Variants in CSMD1 observed in about 807,000 individuals in gnomAD.
CSMD1 encodes CUB and sushi domain-containing protein 1.
In CSMD1, 213 loss-of-function variants were observed where a neutral mutation model predicts 417.5. That is an observed-to-expected ratio of 0.51 (90% CI 0.46 to 0.57). The LOEUF (loss-of-function observed/expected upper bound fraction) is 0.57. Ranked by LOEUF, CSMD1 falls within the 20% of genes least tolerant of loss-of-function variation. The pLI, the probability that CSMD1 is intolerant of heterozygous loss-of-function variation, is 0.00. For synonymous variants in CSMD1, 2,862 were observed against 1,736.8 expected, an observed-to-expected ratio of 1.65 and a Z score of -16.11; for missense variants, 6,923 against 4,529.7, an observed-to-expected ratio of 1.53 and a Z score of -15.17.
chr8:3,642,548 G>C (rs368597354), intron 7 of CSMD1, among the ~76,000 whole-genome samples: 3 of 152,146 alleles, frequency 2.0e-5, no homozygotes, highest in East Asian at 1.9e-4. Context: ...CAAAGATAAA[G>C]TTCCAAGGAA....
rs1038089305 is a variant in CSMD1 at position 4,509,437 on chromosome 8, G to T, written c.303-89372C>A. On this transcript the variant is annotated intron_variant, in intron 2 of 69. Transcript: ENST00000635120. The stretch of plus-strand genomic sequence containing the variant: ...ATTGAAATGTAAAGAATTAATTAAA[G>T]AATTAAATACTGTGTTCCAGCAAGA... 3.9e-5 allele frequency among the ~76,000 whole-genome samples: 6 copies of T among 152,090 alleles called. No homozygotes were observed. The South Asian group carries it at 1.2e-3, about 32-fold the overall frequency.
At chr8:4,408,542 AT>A (rs1796468271) in intron 3 of CSMD1, among the ~76,000 whole-genome samples, 1 of 152,218 alleles carries the variant, frequency 6.6e-6, no homozygotes. Flanking sequence ...AGATTTTCCT[AT>A]TTAGATTTAT....
intron 2 of CSMD1, among the ~76,000 whole-genome samples, chr8:4,529,996 G>A (rs1324140306): frequency 6.6e-6 from 1 of 151,866 alleles, no homozygotes; most frequent in Non-Finnish European, 1.5e-5. Flanking sequence ...CTCACTGCAA[G>A]CCCCGCCTTC....
chr8:4,148,332 C>T (rs1796387210), intron 3 of CSMD1, among the ~76,000 whole-genome samples: 1 of 130,290 alleles, frequency 7.7e-6, no homozygotes, highest in South Asian at 2.3e-4. Flanking sequence ...AACACATAGA[C>T]AGAGGAAGGG....
chr8:4,784,494 A>G (rs1237468474), intron 1 of CSMD1, among the ~76,000 whole-genome samples: 1 of 152,232 alleles, frequency 6.6e-6, no homozygotes, highest in Non-Finnish European at 1.5e-5. Flanking sequence ...TTTTACATAG[A>G]CCAAATATCT....
At chr8:3,065,603 TAGAA>T (rs1261230261) in intron 49 of CSMD1, among the ~76,000 whole-genome samples, 3 of 151,290 alleles carry the variant, frequency 2.0e-5, no homozygotes, top group Non-Finnish European at 2.9e-5. Flanking sequence ...GATAGGAAGA[TAGAA>T]AGATAGGAAG....
chr8:3,478,431 T>A (rs116916258), intron 11 of CSMD1, among the ~76,000 whole-genome samples: 1 of 152,316 alleles, frequency 6.6e-6, no homozygotes, highest in East Asian at 1.9e-4. Flanking sequence ...TGCAGATCCT[T>A]TTTTCCTTCC....
chr8:4,447,289 G>A (rs936648486), intron 2 of CSMD1, among the ~76,000 whole-genome samples: 2 of 152,134 alleles, frequency 1.3e-5, no homozygotes, highest in Non-Finnish European at 2.9e-5. Context: ...CAAAGTCTGA[G>A]GCAGACCGTG....
At chr8:4,351,194 G>C (rs1801071890) in intron 3 of CSMD1, among the ~76,000 whole-genome samples, 1 of 152,022 alleles carries the variant, frequency 6.6e-6, no homozygotes, top group South Asian at 2.1e-4. Context: ...TGACTTCTAG[G>C]AGTTAATAAA....
intron 3 of CSMD1, among the ~76,000 whole-genome samples, chr8:4,122,435 A>C (rs1407395660): frequency 1.3e-5 from 2 of 152,222 alleles, no homozygotes; most frequent in African/African-American, 2.4e-5. Flanking sequence ...CCTCTGACGC[A>C]GTTAGCAATA....
At chr8:4,788,677 A>T (rs1270680318) in intron 1 of CSMD1, 2 of 577,392 alleles carry the variant, frequency 3.5e-6, no homozygotes, top group Non-Finnish European at 6.1e-6. Flanking sequence ...GGTAATTATA[A>T]ATTAGAGAAC....
At chr8:4,831,835 G>C (rs749437551) in intron 1 of CSMD1, among the ~76,000 whole-genome samples, 1 of 150,324 alleles carries the variant, frequency 6.7e-6, no homozygotes, top group Non-Finnish European at 1.5e-5. Context: ...GACACTCAAA[G>C]ACAAAGCACA....
chr8:4,838,414 A>C (rs771095227), intron 1 of CSMD1, among the ~76,000 whole-genome samples: 7 of 152,222 alleles, frequency 4.6e-5, no homozygotes, highest in Non-Finnish European at 7.3e-5. Flanking sequence ...TATTTGTTCT[A>C]TGGTAATTAA....
chr8:3,200,687 A>G (rs1796947762), intron 32 of CSMD1, among the ~76,000 whole-genome samples: 1 of 152,120 alleles, frequency 6.6e-6, no homozygotes, highest in Admixed American at 6.6e-5. Flanking sequence ...TTCAGAGGAC[A>G]ATGTGTTACT....
At chr8:3,343,253 C>G (rs775910233) in intron 23 of CSMD1, 41 bp downstream of exon 23, 13 of 1,572,864 alleles carry the variant, frequency 8.3e-6, no homozygotes, top group East Asian at 2.2e-5. Flanking sequence ...TATGTCCTGA[C>G]AAAATGAAAA....
chr8:4,670,869 T>A (rs763903326), intron 1 of CSMD1, among the ~76,000 whole-genome samples: 1 of 152,226 alleles, frequency 6.6e-6, no homozygotes, highest in South Asian at 2.1e-4. Flanking sequence ...GGTGGTGGCA[T>A]GTTTTGATGG....
intron 5 of CSMD1, among the ~76,000 whole-genome samples, chr8:3,869,448 G>C (rs147504127): frequency 6.6e-6 from 1 of 152,102 alleles, no homozygotes; most frequent in Non-Finnish European, 1.5e-5. Flanking sequence ...TTCATAAAGC[G>C]TGTCTCACCT....
At chr8:4,575,603 G>T (rs1044205116) in intron 2 of CSMD1, among the ~76,000 whole-genome samples, 1 of 152,122 alleles carries the variant, frequency 6.6e-6, no homozygotes, top group African/African-American at 2.4e-5. Flanking sequence ...ATTATGATAT[G>T]GTAGACATGT....
At chr8:4,317,655 C>G (rs186172404) in intron 3 of CSMD1, among the ~76,000 whole-genome samples, 1 of 151,910 alleles carries the variant, frequency 6.6e-6, no homozygotes, top group South Asian at 2.1e-4. Context: ...TACTGACAAG[C>G]AGGAAGTTTA....
Sources: gnomAD v4.1 joint callset for allele counts (sites outside exome capture counted in the v4.1 genomes callset) on GRCh38, gnomAD v4.1.1 for gene constraint, MANE v1.5 for transcripts, NCBI Gene and HGNC (gene_info 2026-07-23, HGNC 2026-07-21) for gene names.